CDH23: variants seen among roughly 807,000 people sequenced by gnomAD.
The protein encoded by CDH23 is cadherin-23.
A neutral mutation model predicts 317.1 loss-of-function variants in CDH23; 189 were observed. That is an observed-to-expected ratio of 0.60 (90% CI 0.53 to 0.67). The LOEUF is 0.67. CDH23 is among the 30% of genes least tolerant of loss of function. The probability of loss-of-function intolerance (pLI) is 0.00; values close to 1 mark genes in which losing one functional copy is unlikely to be tolerated. For missense variants in CDH23, 4,401 were observed against 4,592.4 expected, an observed-to-expected ratio of 0.96 and a Z score of 1.20; for synonymous variants, 1,839 against 1,876.8, an observed-to-expected ratio of 0.98 and a Z score of 0.52.
intron 1 of CDH23, among the ~76,000 whole-genome samples, chr10:71,425,368 A>AGG: frequency 4.7e-5 from 1 of 21,478 alleles, no homozygotes; most frequent in African/African-American, 1.7e-4. Flanking sequence ...AGAAAGAGAG[A>AGG]GGAGAAGGAA....
intron 11 of CDH23, among the ~76,000 whole-genome samples, chr10:71,640,525 G>A (rs998252212): frequency 6.6e-5 from 10 of 152,194 alleles, no homozygotes; most frequent in East Asian, 1.9e-4. Context: ...CGAGGCAGGC[G>A]GATCATGAGG....
chr10:71,724,082 G>A lies in CDH23; in HGVS notation c.3407G>A (p.Arg1136His), dbSNP rs753822806. ...ATDADEGEFG[R>H]VWYRILHGNH... is the part of the protein sequence containing the mutation. ...GACGCAGATGAGGGCGAGTTTGGGCGTGTGTGGTACCGCATCCTCCATGGT... is the reference window on the plus strand; with the variant it reads ...GACGCAGATGAGGGCGAGTTTGGGCATGTGTGGTACCGCATCCTCCATGGT... Residue 1136 changes from arginine to histidine, a missense_variant, in exon 29 of 70, where the codon CGT becomes CAT. Arg to His is a conservative substitution (Grantham distance 29). Around this residue, in one of 3 missense-constraint regions of CDH23, gnomAD observed 3,068 missense variants for 3,203.3 expected, o/e 0.96. Transcript: ENST00000224721. 1.9e-4 allele frequency: 292 copies of A among 1,559,904 alleles called. No individual in the cohort carries two copies. Among genetic ancestry groups the A allele is most frequent in the East Asian group, 3.4e-4 (14 of 41,706 alleles).
intron 9 of CDH23, among the ~76,000 whole-genome samples, chr10:71,609,495 G>A (rs112627417): frequency 1.8e-4 from 27 of 152,264 alleles, no homozygotes; most frequent in Non-Finnish European, 2.2e-4. Context: ...CTGACTCTGG[G>A]GACATCTGAA....
At chr10:71,729,737 G>A (rs1285564990) in intron 30 of CDH23, among the ~76,000 whole-genome samples, 2 of 152,140 alleles carry the variant, frequency 1.3e-5, no homozygotes, top group South Asian at 4.1e-4. Flanking sequence ...ATTTGATTGG[G>A]ATCACTTTGA....
chr10:71,793,083 T>C (rs1841306425), intron 47 of CDH23, 99 bp from the exon 48 acceptor site: 1 of 871,546 alleles, frequency 1.1e-6, no homozygotes, highest in South Asian at 1.9e-5. Flanking sequence ...AAGGCTGTCA[T>C]GAGAAGGGGA....
At chr10:71,437,331 G>A (rs771314685) in intron 1 of CDH23, among the ~76,000 whole-genome samples, 3 of 152,182 alleles carry the variant, frequency 2.0e-5, no homozygotes, top group Non-Finnish European at 4.4e-5. Context: ...AGAGATGTTC[G>A]CGGTGGCATT....
At chr10:71,672,462 C>T (rs925626043) in intron 14 of CDH23, among the ~76,000 whole-genome samples, 8 of 152,138 alleles carry the variant, frequency 5.3e-5, no homozygotes, top group South Asian at 4.1e-4. Flanking sequence ...TCATCTAGTT[C>T]GGCTTCCTAC....
chr10:71,682,595 C>A, intron 18 of CDH23, 23 bp downstream of exon 18: 1 of 1,610,448 alleles, frequency 6.2e-7, no homozygotes, highest in Non-Finnish European at 8.5e-7. Flanking sequence ...GGCCACTGGC[C>A]TTGCCCTGCT....
intron 30 of CDH23, among the ~76,000 whole-genome samples, chr10:71,729,969 G>A (rs955489315): frequency 1.3e-5 from 2 of 151,858 alleles, no homozygotes; most frequent in African/African-American, 4.8e-5. Context: ...TGAGTAGCTG[G>A]GACTACAGGC....
chr10:71,538,117 G>T (rs1365813508), intron 6 of CDH23, among the ~76,000 whole-genome samples: 1 of 152,230 alleles, frequency 6.6e-6, no homozygotes, highest in Non-Finnish European at 1.5e-5. Flanking sequence ...AGATACGCAG[G>T]TCTGCATTGC....
chr10:71,596,624 C>T (rs1859866227), intron 9 of CDH23, among the ~76,000 whole-genome samples: 1 of 152,222 alleles, frequency 6.6e-6, no homozygotes, highest in Admixed American at 6.5e-5. Flanking sequence ...GGACCCCTCT[C>T]CCTCCAGTGT....
At chr10:71,617,853 G>A (rs1388267932) in intron 11 of CDH23, among the ~76,000 whole-genome samples, 6 of 152,108 alleles carry the variant, frequency 3.9e-5, no homozygotes, top group Middle Eastern at 6.8e-3. Context: ...TTAGCCGGGC[G>A]TGGTGGCGGG....
chr10:71,547,356 C>G (rs1040494948), intron 6 of CDH23, among the ~76,000 whole-genome samples: 1 of 152,134 alleles, frequency 6.6e-6, no homozygotes, highest in Non-Finnish European at 1.5e-5. Flanking sequence ...CTGGAGGCAG[C>G]GCAACACCCA....
At position 71,397,340 on chromosome 10, in the gene CDH23, C is replaced by G. The variant is rs1164373076; in HGVS notation, c.-6+22C>G. ...CACGGTACCCGGAGCCACGCACCGC[C>G]TCTTCCCTCCTCGCTTCCCTCTCCT... On this transcript the variant is annotated intron_variant, in intron 1 of 69. Transcript: ENST00000224721. This position sits in a 1 kb window ranked among gnomAD's most constrained non-coding sequence, Gnocchi z 4.8. 6.5e-6 allele frequency: 1 copy of G among 153,152 alleles called. No homozygotes were observed. Among genetic ancestry groups the G allele is most frequent in the Non-Finnish European group, 1.5e-5 (1 of 68,208 alleles). The allele number at this position is 153,152 out of a possible 1,614,324, so 9.5% of individuals were successfully genotyped here.
intron 66 of CDH23, 153 bp from the exon 67 acceptor site, chr10:71,812,327 A>G: frequency 6.3e-7 from 1 of 1,598,850 alleles, no homozygotes; most frequent in Non-Finnish European, 8.5e-7. Context: ...CTATGGTGGG[A>G]GCATGCACCA....
At chr10:71,609,995 T>TGTGAGAGAGA (rs3222215) in intron 9 of CDH23, among the ~76,000 whole-genome samples, 94 of 140,922 alleles carry the variant, frequency 6.7e-4, no homozygotes, top group East Asian at 2.4e-3. Context: ...TGTGTGTGTG[T>TGTGAGAGAGA]GAGAGAGACA....
intron 3 of CDH23, among the ~76,000 whole-genome samples, chr10:71,476,543 C>CA (rs1851804663): frequency 6.6e-6 from 1 of 152,158 alleles, no homozygotes; most frequent in African/African-American, 2.4e-5. Flanking sequence ...ACTTCAAGTA[C>CA]AAATGGAAAA....
At chr10:71,477,103 G>A (rs1013306817) in intron 3 of CDH23, among the ~76,000 whole-genome samples, 6 of 152,284 alleles carry the variant, frequency 3.9e-5, no homozygotes, top group South Asian at 2.1e-4. Flanking sequence ...AACCAGGGAC[G>A]CTCCTGGGCA....
intron 6 of CDH23, among the ~76,000 whole-genome samples, chr10:71,536,935 G>C (rs1855737014): frequency 2.0e-5 from 3 of 152,136 alleles, no homozygotes; most frequent in Admixed American, 6.5e-5. Flanking sequence ...CGAGCCTTGA[G>C]GACAGTCTGG....
Sources: allele counts gnomAD v4.1 joint callset (sites outside exome capture counted in the v4.1 genomes callset), GRCh38; gene constraint gnomAD v4.1.1; regional missense constraint gnomAD v4.1.1; non-coding constraint Gnocchi (gnomAD v3.1); transcripts MANE v1.5; gene names NCBI Gene and HGNC (gene_info 2026-07-23, HGNC 2026-07-21).